Variants in PRKCZ observed in about 807,000 individuals in gnomAD.
PRKCZ encodes protein kinase C zeta.
PRKCZ carries 33 observed loss-of-function variants against 79.5 expected under a neutral mutation model. The ratio of observed to expected loss-of-function variants is 0.41; its 90% CI spans 0.31 to 0.55. The LOEUF (loss-of-function observed/expected upper bound fraction) is 0.55. Among genes scored for constraint, PRKCZ ranks in the 20% least tolerant of loss-of-function variants. PRKCZ has a pLI of 0.19. For synonymous variants in PRKCZ, 342 were observed against 320.9 expected, an observed-to-expected ratio of 1.07 and a Z score of -0.70; for missense variants, 578 against 813.5, an observed-to-expected ratio of 0.71 and a Z score of 3.52.
intron 10 of PRKCZ, among the ~76,000 whole-genome samples, chr1:2,163,093 G>A (rs12132341): frequency 0.012 from 1,899 of 152,336 alleles, 20 homozygotes; most frequent in Non-Finnish European, 0.019. Context: ...TCTGGTGACA[G>A]TGGCCAGCAC....
At chr1:2,124,277 A>ATGGTGGTAGTTAGGGT (rs1673355293) in intron 4 of PRKCZ, among the ~76,000 whole-genome samples, 1 of 137,486 alleles carries the variant, frequency 7.3e-6, no homozygotes, top group Non-Finnish European at 1.6e-5. Flanking sequence ...AGTTAGGGTC[A>ATGGTGGTAGTTAGGGT]CGGCTGTAGT....
intron 4 of PRKCZ, among the ~76,000 whole-genome samples, chr1:2,129,576 A>T (rs1674572002): frequency 6.6e-6 from 1 of 152,202 alleles, no homozygotes; most frequent in African/African-American, 2.4e-5. Context: ...GTAGCCATGG[A>T]TCCTGTCTCA....
chr1:2,100,288 G>A (rs1393080011), intron 4 of PRKCZ, among the ~76,000 whole-genome samples: 1 of 152,242 alleles, frequency 6.6e-6, no homozygotes, highest in South Asian at 2.1e-4. Flanking sequence ...GACCATCTGT[G>A]GTAACCGAGA....
intron 4 of PRKCZ, among the ~76,000 whole-genome samples, chr1:2,062,697 A>G (rs572476463): frequency 1.3e-5 from 2 of 151,926 alleles, no homozygotes; most frequent in Admixed American, 1.3e-4. Context: ...CATGTTGCCC[A>G]GGCTAGTCTC....
chr1:2,052,471 G>A (rs574453909), intron 1 of PRKCZ, among the ~76,000 whole-genome samples: 1 of 128,050 alleles, frequency 7.8e-6, no homozygotes, highest in Non-Finnish European at 1.6e-5. Flanking sequence ...TCCTCTTCCC[G>A]CTCTCCCCTC....
intron 4 of PRKCZ, among the ~76,000 whole-genome samples, chr1:2,096,844 C>G (rs1368200917): frequency 6.6e-6 from 1 of 152,224 alleles, no homozygotes; most frequent in African/African-American, 2.4e-5. Flanking sequence ...AATCTCCAGC[C>G]TGGGTTGCCA....
In PRKCZ at chr1:2,050,677, T is replaced by G. The variant is rs1659555574; in HGVS notation, c.47T>G (p.Val16Gly). 1 of 1,223,112 alleles carries G rather than the reference T, an allele frequency of 8.2e-7. No homozygotes were observed. The highest frequency in any genetic ancestry group is 1.0e-6 in the Non-Finnish European group (1 of 982,536). The allele number at this position is 1,223,112 out of a possible 1,614,324, so 75.8% of individuals were successfully genotyped here. A position where few individuals can be genotyped will look rare whatever the true frequency, so the allele number is the denominator to read the frequency against. Residue 16 changes from valine to glycine, a missense_variant, in exon 1 of 18, where the codon GTC (valine) becomes GGC (glycine). By Grantham distance (109) the Val-to-Gly change is moderately radical. Transcript: ENST00000378567. ...GPKMEGSGGR[V>G]RLKAHYGGDI... ...AAGATGGAAGGGAGCGGCGGCCGCG[T>G]CCGCCTCAAGGCGCATTACGGGGGG...
intron 10 of PRKCZ, among the ~76,000 whole-genome samples, chr1:2,162,083 G>A (rs960621781): frequency 1.3e-5 from 2 of 152,054 alleles, no homozygotes; most frequent in Admixed American, 6.5e-5. Context: ...TTTTCCATGT[G>A]GACTTTATAA....
intron 3 of PRKCZ, among the ~76,000 whole-genome samples, chr1:2,057,399 T>C (rs76836675): frequency 6.6e-6 from 1 of 152,348 alleles, no homozygotes; most frequent in African/African-American, 2.4e-5. Flanking sequence ...TGTCCACTTC[T>C]GGCGTAGCTT....
At chr1:2,097,771 A>G (rs1404189104) in intron 4 of PRKCZ, among the ~76,000 whole-genome samples, 1 of 152,228 alleles carries the variant, frequency 6.6e-6, no homozygotes, top group Non-Finnish European at 1.5e-5. Flanking sequence ...TGGGTGCTGC[A>G]AAAGAAATAG....
chr1:2,096,673 C>T (rs1167357441), intron 4 of PRKCZ, among the ~76,000 whole-genome samples: 1 of 152,132 alleles, frequency 6.6e-6, no homozygotes, highest in African/African-American at 2.4e-5. Flanking sequence ...GCCCTGGGCT[C>T]TGCAGCAAGG....
intron 4 of PRKCZ, among the ~76,000 whole-genome samples, chr1:2,110,328 G>A (rs1669473419): frequency 1.3e-5 from 2 of 152,238 alleles, no homozygotes; most frequent in South Asian, 4.1e-4. Context: ...GGGGCCCCGG[G>A]CGTGATCAGA....
At position 2,070,150 on chromosome 1, in the gene PRKCZ, C is replaced by G. The variant is rs76717375; in HGVS notation, c.334+10559C>G. 8.7e-4 allele frequency among the ~76,000 whole-genome samples: 133 copies of G among 152,166 alleles called. 1 individual carries two copies. The East Asian group carries it at 0.019, about 22-fold the overall frequency. ...GTCCTCGGGGTCATCAGAGCCAGTG[C>G]TGGCTGCCCTGTGCATTTCATGTTG... is the stretch of plus-strand genomic sequence containing the variant. On this transcript the variant is annotated intron_variant, in intron 4 of 17. Transcript: ENST00000378567.
intron 4 of PRKCZ, among the ~76,000 whole-genome samples, chr1:2,107,721 C>T (rs888557138): frequency 1.4e-4 from 22 of 151,954 alleles, no homozygotes; most frequent in Non-Finnish European, 2.5e-4. Flanking sequence ...TGTGCCTCTC[C>T]GGCCTGTGCC....
At position 2,127,158 on chromosome 1, in the gene PRKCZ, C is replaced by T. The variant is rs1357048335; in HGVS notation, c.335-8104C>T. Reference sequence around the variant, plus strand: ...GAGCCTGGGCTGTGGCTGCCAGTCCCCAAAACAGACCCTGCGCCCCGGGCA... The same window carrying T: ...GAGCCTGGGCTGTGGCTGCCAGTCCTCAAAACAGACCCTGCGCCCCGGGCA... On this transcript the variant is annotated intron_variant, in intron 4 of 17. Coordinates refer to ENST00000378567, the MANE Select transcript of PRKCZ (RefSeq NM_002744.6). The surrounding 1 kb of genome is among the most constrained non-coding windows in gnomAD (Gnocchi z 5.1). 6.6e-6 allele frequency among the ~76,000 whole-genome samples: 1 copy of T among 152,198 alleles called. No individual in the cohort carries two copies. The highest frequency in any genetic ancestry group is 1.5e-5 in the Non-Finnish European group (1 of 68,028).
intron 4 of PRKCZ, among the ~76,000 whole-genome samples, chr1:2,065,506 G>A (rs996076422): frequency 3.9e-5 from 6 of 151,928 alleles, no homozygotes; most frequent in South Asian, 2.1e-4. Flanking sequence ...GTGAAACCCC[G>A]TTCTCTACTA....
intron 3 of PRKCZ, among the ~76,000 whole-genome samples, chr1:2,057,169 C>T (rs914880500): frequency 2.6e-5 from 4 of 152,240 alleles, no homozygotes; most frequent in Admixed American, 6.5e-5. Context: ...CTCACCTGCC[C>T]GGTGCTCCCT....
At chr1:2,053,870 G>A (rs1262852715) in intron 1 of PRKCZ, among the ~76,000 whole-genome samples, 1 of 152,232 alleles carries the variant, frequency 6.6e-6, no homozygotes, top group East Asian at 1.9e-4. Context: ...CTGCCATGAT[G>A]CTGTGGGCTG....
At chr1:2,104,095 C>G (rs1667954372) in intron 4 of PRKCZ, among the ~76,000 whole-genome samples, 1 of 151,854 alleles carries the variant, frequency 6.6e-6, no homozygotes, top group Non-Finnish European at 1.5e-5. Flanking sequence ...CAGGATGGTC[C>G]AGAAAGGTCT....
Sources: gnomAD v4.1 joint callset for allele counts (sites outside exome capture counted in the v4.1 genomes callset) on GRCh38, gnomAD v4.1.1 for gene constraint, Gnocchi (gnomAD v3.1) non-coding constraint, MANE v1.5 for transcripts, NCBI Gene and HGNC (gene_info 2026-07-23, HGNC 2026-07-21) for gene names.